The following EYS variants were observed in gnomAD, a reference collection of about 807,000 sequenced individuals.
EYS encodes protein eyes shut homolog.
EYS carries 250 observed loss-of-function variants against 282.1 expected under a neutral mutation model. The observed-to-expected ratio is 0.89, with a 90% CI of 0.80 to 0.98. The LOEUF (loss-of-function observed/expected upper bound fraction) is 0.98. Ranked by LOEUF, EYS falls within the 50% of genes least tolerant of loss-of-function variation. EYS has a pLI of 0.00. For synonymous variants in EYS, 1,355 were observed against 1,282.9 expected, an observed-to-expected ratio of 1.06 and a Z score of -1.20; for missense variants, 4,016 against 3,709.0, an observed-to-expected ratio of 1.08 and a Z score of -2.15.
chr6:64,772,757 T>C (rs1023722877), intron 22 of EYS, among the ~76,000 whole-genome samples: 1 of 151,866 alleles, frequency 6.6e-6, no homozygotes, highest in Admixed American at 6.6e-5. Flanking sequence ...AGTGAGAACA[T>C]GTGAAATTTG....
In EYS at chr6:65,248,555, G is replaced by T. The variant is rs144323838; in HGVS notation, c.2023+47308C>A. ...CCTAGAGCCTGTGGTTGTGTTTCTGGTTACCCTATGTAGCAAAATAATAAT... is the reference window on the plus strand; with the variant it reads ...CCTAGAGCCTGTGGTTGTGTTTCTGTTTACCCTATGTAGCAAAATAATAAT... On this transcript the variant is annotated intron_variant, in intron 12 of 42. Coordinates refer to ENST00000503581, the MANE Select transcript of EYS (RefSeq NM_001142800.2). Among the ~76,000 whole-genome samples, 787 of 152,068 alleles carry T rather than the reference G, an allele frequency of 5.2e-3. 6 individuals carry two copies. Among genetic ancestry groups the T allele is most frequent in the African/African-American group, 0.018 (756 of 41,514 alleles).
chr6:64,042,567 G>A (rs538744060), intron 33 of EYS, among the ~76,000 whole-genome samples: 2 of 152,262 alleles, frequency 1.3e-5, no homozygotes, highest in South Asian at 2.1e-4. Context: ...AGTGCCTTGG[G>A]AAGAAAGCTC....
At chr6:63,865,670 T>G (rs1772654691) in intron 35 of EYS, among the ~76,000 whole-genome samples, 1 of 151,992 alleles carries the variant, frequency 6.6e-6, no homozygotes, top group African/African-American at 2.4e-5. Flanking sequence ...TACCATGAAT[T>G]TTTCCCCAGC....
At chr6:64,178,539 A>G (rs1455466324) in intron 31 of EYS, among the ~76,000 whole-genome samples, 1 of 152,064 alleles carries the variant, frequency 6.6e-6, no homozygotes, top group Non-Finnish European at 1.5e-5. Context: ...CAGATGGAAA[A>G]GCGGGGGATG....
intron 12 of EYS, among the ~76,000 whole-genome samples, chr6:65,128,173 C>T (rs1028663062): frequency 2.0e-5 from 3 of 151,500 alleles, no homozygotes; most frequent in African/African-American, 7.3e-5. Context: ...TTACCATATC[C>T]GATCAAGGTA....
At chr6:64,973,542 T>A (rs779971673) in intron 14 of EYS, among the ~76,000 whole-genome samples, 1 of 152,028 alleles carries the variant, frequency 6.6e-6, no homozygotes, top group Non-Finnish European at 1.5e-5. Context: ...AAGGAAGAGA[T>A]TGTGTATTGT....
intron 33 of EYS, among the ~76,000 whole-genome samples, chr6:64,005,292 A>C (rs553251112): frequency 6.6e-6 from 1 of 151,868 alleles, no homozygotes; most frequent in African/African-American, 2.4e-5. Context: ...AGTTCTGTTA[A>C]GTTCTTTGCC....
chr6:64,864,318 C>G (rs1050996841), intron 19 of EYS, among the ~76,000 whole-genome samples: 2 of 148,402 alleles, frequency 1.3e-5, no homozygotes, highest in African/African-American at 5.0e-5. Flanking sequence ...CAAATCAGAG[C>G]TAAGTTGGCA....
intron 22 of EYS, among the ~76,000 whole-genome samples, chr6:64,640,653 G>C (rs1377428760): frequency 6.6e-6 from 1 of 151,752 alleles, no homozygotes; most frequent in Non-Finnish European, 1.5e-5. Context: ...ACACAAGCAT[G>C]GCACATGTAT....
intron 22 of EYS, among the ~76,000 whole-genome samples, chr6:64,775,383 G>A (rs1773647856): frequency 6.6e-6 from 1 of 151,974 alleles, no homozygotes; most frequent in Non-Finnish European, 1.5e-5. Flanking sequence ...CAATAGGATA[G>A]AAGATAAACC....
chr6:64,458,772 C>A (rs1223166795), intron 26 of EYS, among the ~76,000 whole-genome samples: 1 of 152,086 alleles, frequency 6.6e-6, no homozygotes, highest in East Asian at 1.9e-4. Context: ...TCCACCCCTC[C>A]ATGGAAATCC....
intron 29 of EYS, among the ~76,000 whole-genome samples, chr6:64,388,120 G>A (rs189849899): frequency 2.3e-4 from 35 of 152,094 alleles, no homozygotes; most frequent in African/African-American, 8.0e-4. Flanking sequence ...AACATAAAAT[G>A]GAACCAAATA....
At chr6:64,702,436 A>C (rs1213735428) in intron 22 of EYS, among the ~76,000 whole-genome samples, 2 of 152,134 alleles carry the variant, frequency 1.3e-5, no homozygotes, top group East Asian at 1.9e-4. Flanking sequence ...TAATATAGAC[A>C]TTAAAATTAA....
At chr6:63,760,868 T>C (rs572913773) in intron 41 of EYS, among the ~76,000 whole-genome samples, 1 of 152,086 alleles carries the variant, frequency 6.6e-6, no homozygotes, top group East Asian at 1.9e-4. Context: ...TTAAATTCAC[T>C]AGCCCTTACG....
intron 39 of EYS, among the ~76,000 whole-genome samples, chr6:63,786,536 G>A (rs928635998): frequency 1.3e-5 from 2 of 151,856 alleles, no homozygotes; most frequent in Non-Finnish European, 2.9e-5. Context: ...GCCTGTCAAG[G>A]GGTGGGGGGC....
intron 28 of EYS, among the ~76,000 whole-genome samples, chr6:64,392,997 C>A (rs1375880435): frequency 6.6e-6 from 1 of 152,168 alleles, no homozygotes; most frequent in Non-Finnish European, 1.5e-5. Flanking sequence ...ATACTACAAA[C>A]ACCTCTACGC....
chr6:64,965,698 G>T (rs531616904), intron 14 of EYS, among the ~76,000 whole-genome samples: 3 of 152,048 alleles, frequency 2.0e-5, no homozygotes, highest in Admixed American at 1.3e-4. Flanking sequence ...AAAGTATACT[G>T]ACCATTCAAT....
At chr6:64,093,497 T>C (rs910507059) in intron 31 of EYS, among the ~76,000 whole-genome samples, 1 of 152,152 alleles carries the variant, frequency 6.6e-6, no homozygotes, top group Non-Finnish European at 1.5e-5. Context: ...TTCCTAGGTA[T>C]TTTAGTCTCT....
At chr6:64,985,081 A>G (rs1431072334) in intron 14 of EYS, among the ~76,000 whole-genome samples, 1 of 151,510 alleles carries the variant, frequency 6.6e-6, no homozygotes, top group Non-Finnish European at 1.5e-5. Flanking sequence ...GAATATGCAG[A>G]TGTAGGACAA....
Sources: allele counts gnomAD v4.1 joint callset (sites outside exome capture counted in the v4.1 genomes callset), GRCh38; gene constraint gnomAD v4.1.1; transcripts MANE v1.5; gene names NCBI Gene and HGNC (gene_info 2026-07-23, HGNC 2026-07-21).